Variants in PCDHGA2 observed in about 807,000 individuals in gnomAD.
PCDHGA2 encodes protocadherin gamma-A2.
In PCDHGA2, 40 loss-of-function variants were observed where a neutral mutation model predicts 59.2. The observed-to-expected ratio is 0.68, with a 90% confidence interval of 0.52 to 0.88. The LOEUF is 0.88. PCDHGA2 is among the 40% of genes least tolerant of loss of function. PCDHGA2 has a pLI of 0.00. For missense variants in PCDHGA2, 1,226 were observed against 1,204.0 expected (o/e 1.02, Z -0.27); for synonymous variants, 560 against 526.0 (o/e 1.06, Z -0.89).
At chr5:141,379,806 A>C (rs965954468) in intron 1 of PCDHGA2, among the ~76,000 whole-genome samples, 2 of 150,310 alleles carry the variant, frequency 1.3e-5, no homozygotes, top group African/African-American at 4.9e-5. Context: ...AGGTTTTGAG[A>C]GTTCAGTATA....
chr5:141,383,911 T>C, intron 1 of PCDHGA2: 1 of 1,613,926 alleles, frequency 6.2e-7, no homozygotes, highest in Non-Finnish European at 8.5e-7. Context: ...GATCACAGTT[T>C]TAGATGTAAA....
Position 141,346,583 on chromosome 5 carries a change from T to A in PCDHGA2, c.2424+5188T>A, listed in dbSNP as rs80028471. 2.7e-3 allele frequency: 3,690 copies of A among 1,383,602 alleles called. 80 individuals carry two copies. In the East Asian group the frequency reaches 0.061, roughly 23 times the overall value. The allele number at this position is 1,383,602 out of a possible 1,614,324, so 85.7% of individuals were successfully genotyped here. On this transcript the variant is annotated intron_variant, in intron 1 of 3. Coordinates refer to ENST00000394576, the MANE Select transcript of PCDHGA2 (RefSeq NM_018915.4). Reference sequence around the variant, plus strand: ...GTCATTAGTCCTTTGACTAAATATTTGTCCCCCTTTCTTTCTGGGCCTATA... The same window carrying A: ...GTCATTAGTCCTTTGACTAAATATTAGTCCCCCTTTCTTTCTGGGCCTATA...
chr5:141,439,226 G>A (rs1337835258), intron 1 of PCDHGA2, among the ~76,000 whole-genome samples: 1 of 151,442 alleles, frequency 6.6e-6, no homozygotes, highest in African/African-American at 2.4e-5. Flanking sequence ...AAAATTCTTA[G>A]AAGCTTCCTA....
rs1359390451 is a variant in PCDHGA2, at chr5:141,360,344, C to T, written c.2424+18949C>T. 1 of 1,613,798 alleles carries T rather than the reference C, an allele frequency of 6.2e-7. No homozygotes were observed. The highest frequency in any genetic ancestry group is 1.7e-5 in the Admixed American group (1 of 60,012). The stretch of plus-strand genomic sequence containing the variant: ...CCAGCCCGGAAGCTGCGGGTTAGCG[C>T]GGAGAAGGAATATTTCACAGTAAAC... On this transcript the variant is annotated intron_variant, in intron 1 of 3. Coordinates refer to ENST00000394576, the MANE Select transcript of PCDHGA2 (RefSeq NM_018915.4).
At chr5:141,403,945 A>C in intron 1 of PCDHGA2, 3 of 1,613,926 alleles carry the variant, frequency 1.9e-6, no homozygotes, top group Non-Finnish European at 2.5e-6. Flanking sequence ...AAGGGTGGAC[A>C]AAAGTGCTCA....
At chr5:141,347,752 A>G (rs1758010399) in intron 1 of PCDHGA2, among the ~76,000 whole-genome samples, 1 of 150,886 alleles carries the variant, frequency 6.6e-6, no homozygotes, top group Non-Finnish European at 1.5e-5. Context: ...GGGCCACTGC[A>G]CTCCAGCTGG....
rs984222446 is a variant in PCDHGA2 at position 141,493,942 on chromosome 5, G to T, written c.2425-865G>T. ...ACACACCCCCTGGAAAGACCAGAAG[G>T]GACTCAGGAATGAAGTGGCTGGCCA... On this transcript the variant is annotated intron_variant, in intron 1 of 3. Transcript: ENST00000394576. The surrounding 1 kb of genome is among the most constrained non-coding windows in gnomAD (Gnocchi z 4.3). Among the ~76,000 whole-genome samples the T allele has an allele frequency of 1.3e-5, 2 of 152,168 alleles. No individual in the cohort carries two copies. Among genetic ancestry groups the T allele is most frequent in the Non-Finnish European group, 1.5e-5 (1 of 68,022 alleles).
At chr5:141,407,980 C>T in intron 1 of PCDHGA2, 1 of 760,358 alleles carries the variant, frequency 1.3e-6, no homozygotes, top group Non-Finnish European at 2.0e-6. Context: ...CGCCGGGGAT[C>T]CGTCAGCCTC....
At chr5:141,399,053 A>G (rs2093744168) in intron 1 of PCDHGA2, 2 of 1,613,630 alleles carry the variant, frequency 1.2e-6, no homozygotes, top group East Asian at 2.2e-5. Context: ...GAAGAGACCA[A>G]GGAATATTCA....
At position 141,384,374 on chromosome 5, in the gene PCDHGA2, C is replaced by T; in HGVS notation, c.2424+42979C>T. 3.1e-6 allele frequency: 5 copies of T among 1,613,920 alleles called. No individual in the cohort carries two copies. In the South Asian group the frequency reaches 5.5e-5, roughly 18 times the overall value. ...AATGCCCAGATCACTTATTCCTTGG[C>T]CGAAGACACCATCCAGGGGGCTCCA... is the stretch of plus-strand genomic sequence containing the variant. On this transcript the variant is annotated intron_variant, in intron 1 of 3. Transcript: ENST00000394576.
At chr5:141,448,786 A>G (rs1354591718) in intron 1 of PCDHGA2, among the ~76,000 whole-genome samples, 1 of 148,848 alleles carries the variant, frequency 6.7e-6, no homozygotes, top group African/African-American at 2.5e-5. Context: ...TAAAAATACA[A>G]AAAAAAAAAT....
chr5:141,419,980 G>T lies in PCDHGA2; in HGVS notation c.2425-74827G>T, dbSNP rs182372807. 1.1e-4 allele frequency: 180 copies of T among 1,614,080 alleles called. No individual in the cohort carries two copies. The East Asian group carries it at 1.1e-3, about 10-fold the overall frequency. On this transcript the variant is annotated intron_variant, in intron 1 of 3. Transcript: ENST00000394576. ...TTTCTGTGCTCTTTCTCCTCGCGGTGATTCTAGCTATTGCTCTACGCCTGC... is the reference window on the plus strand; with the variant it reads ...TTTCTGTGCTCTTTCTCCTCGCGGTTATTCTAGCTATTGCTCTACGCCTGC...
At chr5:141,418,530 G>C in intron 1 of PCDHGA2, 1 of 1,613,952 alleles carries the variant, frequency 6.2e-7, no homozygotes, top group Non-Finnish European at 8.5e-7. Flanking sequence ...CCCCGAAGCG[G>C]TACTGCTCAG....
At position 141,339,869 on chromosome 5, in the gene PCDHGA2, G is replaced by A. The variant is rs752711661; in HGVS notation, c.898G>A (p.Glu300Lys). ...ATTTGAGCTTAAGTCAACATCTGGA[G>A]AACTGACAATCATAAAAGATCTAGA... ...EVFELKSTSGELTIIKDLDYE... is the reference protein window; with the variant it reads ...EVFELKSTSGKLTIIKDLDYE... The change falls in exon 1 of 4, where the codon GAA becomes AAA. Residue 300 changes from glutamate (E) to lysine (K), a missense_variant. By Grantham distance (56) the Glu-to-Lys change is moderately conservative. Transcript: ENST00000394576. The A allele has an allele frequency of 1.2e-6, 2 of 1,614,124 alleles. No homozygotes were observed. The highest frequency in any genetic ancestry group is 1.3e-5 in the African/African-American group (1 of 75,042).
chr5:141,382,017 C>T (rs1288762588), intron 1 of PCDHGA2, among the ~76,000 whole-genome samples: 2 of 151,562 alleles, frequency 1.3e-5, no homozygotes, highest in African/African-American at 2.4e-5. Flanking sequence ...TTAGTAGAGA[C>T]GGGGTTTCTC....
intron 1 of PCDHGA2, chr5:141,351,970 C>T (rs1390827495): frequency 3.1e-6 from 5 of 1,612,584 alleles, no homozygotes; most frequent in Admixed American, 1.7e-5. Context: ...GCTCCGCCCT[C>T]TTCGATATGG....
intron 1 of PCDHGA2, chr5:141,417,664 C>T: frequency 1.1e-6 from 1 of 911,118 alleles, no homozygotes; most frequent in Non-Finnish European, 1.6e-6. Context: ...CTGGGATTCC[C>T]TGCGCAGCCA....
intron 1 of PCDHGA2, chr5:141,423,839 A>C: frequency 7.8e-7 from 1 of 1,279,970 alleles, no homozygotes; most frequent in Admixed American, 3.8e-5. Flanking sequence ...AGATTACGAT[A>C]ATCTTTCAGA....
chr5:141,358,906 A>C (rs1244538501), intron 1 of PCDHGA2, among the ~76,000 whole-genome samples: 2 of 152,180 alleles, frequency 1.3e-5, no homozygotes, highest in East Asian at 3.8e-4. Flanking sequence ...ATGAGGGAAA[A>C]TATTTTGTGT....
Sources: allele counts gnomAD v4.1 joint callset (sites outside exome capture counted in the v4.1 genomes callset), GRCh38; gene constraint gnomAD v4.1.1; non-coding constraint Gnocchi (gnomAD v3.1); transcripts MANE v1.5; gene names NCBI Gene and HGNC (gene_info 2026-07-23, HGNC 2026-07-21).